CLPX: variants seen among roughly 807,000 people sequenced by gnomAD.
The protein encoded by CLPX is caseinolytic mitochondrial matrix peptidase chaperone subunit X.
Under a neutral mutation model 76.4 loss-of-function variants are expected in CLPX, and 34 were observed. The observed-to-expected ratio is 0.45, with a 90% CI of 0.34 to 0.59. The LOEUF is 0.59. Among genes scored for constraint, CLPX ranks in the 20% least tolerant of loss-of-function variants. CLPX has a pLI of 0.01. For missense variants in CLPX, 613 were observed against 757.0 expected (o/e 0.81, Z 2.23); for synonymous variants, 248 against 270.9 (o/e 0.92, Z 0.83).
chr15:65,160,623 T>TCTCTCTCTCACACA (rs1219208926), intron 6 of CLPX, among the ~76,000 whole-genome samples: 13 of 100,966 alleles, frequency 1.3e-4, no homozygotes, highest in Non-Finnish European at 1.7e-4. Context: ...TCTCTCTCTC[T>TCTCTCTCTCACACA]CACACACACA....
rs779012287 is a variant in CLPX, at chr15:65,180,244, C to A, written c.80-40G>T. The stretch of plus-strand genomic sequence containing the variant: ...AAATCTACATCAAATATAGACATGC[C>A]TCAATAAATCCCCTGGAAACAAAAA... On this transcript the variant is annotated intron_variant, in intron 1 of 13. Coordinates refer to ENST00000300107, the MANE Select transcript of CLPX (RefSeq NM_006660.5). The A allele has an allele frequency of 4.8e-6, 7 of 1,470,716 alleles. No individual in the cohort carries two copies. The Admixed American group carries it at 8.5e-5, about 18-fold the overall frequency. 91.1% of individuals were successfully genotyped at this position (1,470,716 alleles called of 1,614,324 possible).
chr15:65,184,763 A>G (rs1017395847), intron 1 of CLPX, among the ~76,000 whole-genome samples: 3 of 152,234 alleles, frequency 2.0e-5, no homozygotes, highest in African/African-American at 4.8e-5. Flanking sequence ...ACATTTTTTA[A>G]TAACAGGAGC....
At chr15:65,183,897 T>G (rs1410799705) in intron 1 of CLPX, among the ~76,000 whole-genome samples, 4 of 152,230 alleles carry the variant, frequency 2.6e-5, no homozygotes, top group Non-Finnish European at 4.4e-5. Flanking sequence ...ATAAATGGAT[T>G]AAAATATGTC....
chr15:65,170,789 A>C (rs1452632772), intron 3 of CLPX, among the ~76,000 whole-genome samples: 1 of 149,886 alleles, frequency 6.7e-6, no homozygotes, highest in Non-Finnish European at 1.5e-5. Flanking sequence ...CCACTTCATT[A>C]TCAATTCAAT....
chr15:65,148,895 A>G lies in CLPX; in HGVS notation c.*1928T>C, dbSNP rs2087684677. 1 of 152,170 alleles carries G rather than the reference A, an allele frequency of 6.6e-6. No homozygotes were observed. Among genetic ancestry groups the G allele is most frequent in the African/African-American group, 2.4e-5 (1 of 41,448 alleles). The allele number at this position is 152,170 out of a possible 1,614,324, so 9.4% of individuals were successfully genotyped here. The stretch of plus-strand genomic sequence containing the variant: ...AATATTTATGGAATTAAATGATACA[A>G]TTTTCATTAAGACCCCAAATATCCC... On this transcript the variant is annotated 3_prime_UTR_variant, in exon 14 of 14. Transcript: ENST00000300107.
chr15:65,154,753 T>C, intron 11 of CLPX, 29 bp downstream of exon 11: 1 of 1,527,962 alleles, frequency 6.5e-7, no homozygotes, highest in Non-Finnish European at 8.9e-7. Flanking sequence ...AAATAAAAAA[T>C]AACTAAGTAC....
intron 6 of CLPX, among the ~76,000 whole-genome samples, chr15:65,160,983 A>C (rs187920746): frequency 6.6e-6 from 1 of 152,312 alleles, no homozygotes; most frequent in East Asian, 1.9e-4. Flanking sequence ...CAAATTACTT[A>C]AAATTTCTGT....
intron 6 of CLPX, among the ~76,000 whole-genome samples, chr15:65,160,592 TTC>T (rs1226717522): frequency 0.056 from 6,639 of 118,206 alleles, 203 homozygotes; most frequent in South Asian, 0.082. Flanking sequence ...CATTCACTCA[TTC>T]TCTCTCTCTC....
chr15:65,180,077 C>T lies in CLPX; in HGVS notation c.207G>A (p.Gly69=), dbSNP rs2088143784. The T allele has an allele frequency of 1.2e-6, 2 of 1,610,018 alleles. No homozygotes were observed. Among genetic ancestry groups the T allele is most frequent in the African/African-American group, 1.3e-5 (1 of 74,798 alleles). Residue 69 remains glycine, a synonymous_variant, in exon 2 of 14, where the codon GGG becomes GGA. Coordinates refer to ENST00000300107, the MANE Select transcript of CLPX (RefSeq NM_006660.5). ...CATCTCCAGAACCATCTTTACTTAT[C>T]CCATCTTTTGAGGCAAAGTATGCTG... The part of the protein sequence containing the change: ...ETPAYFASKD[G]ISKDGSGDGN...
chr15:65,165,079 GTAATCCCT>G (rs2087892947), intron 4 of CLPX, among the ~76,000 whole-genome samples: 1 of 152,004 alleles, frequency 6.6e-6, no homozygotes, highest in African/African-American at 2.4e-5. Flanking sequence ...GCTCACGGCT[GTAATCCCT>G]GCACTTTGGG....
At chr15:65,173,040 G>C (rs553298470) in intron 3 of CLPX, among the ~76,000 whole-genome samples, 1 of 152,044 alleles carries the variant, frequency 6.6e-6, no homozygotes, top group Admixed American at 6.6e-5. Context: ...ACCAAAAGAA[G>C]CCCATGATGA....
chr15:65,181,407 A>G (rs1265366836), intron 1 of CLPX, among the ~76,000 whole-genome samples: 1 of 152,146 alleles, frequency 6.6e-6, no homozygotes, highest in East Asian at 1.9e-4. Context: ...ACCGAACTAT[A>G]CACTAAAAAT....
chr15:65,166,483 A>G (rs1241240052), intron 4 of CLPX, 148 bp downstream of exon 4: 7 of 807,494 alleles, frequency 8.7e-6, no homozygotes, highest in Admixed American at 8.4e-5. Flanking sequence ...CCAAAAGGCA[A>G]TAACAATTTA....
chr15:65,183,799 G>C (rs1475929109), intron 1 of CLPX, among the ~76,000 whole-genome samples: 1 of 152,134 alleles, frequency 6.6e-6, no homozygotes, highest in African/African-American at 2.4e-5. Flanking sequence ...TTAAACATGA[G>C]GGTGAGGACT....
At position 65,166,708 on chromosome 15, in the gene CLPX, T is replaced by C. The variant is rs1178772924; in HGVS notation, c.436A>G (p.Ile146Val). The change falls in exon 4 of 14, where the codon ATA (isoleucine) becomes GTA (valine). Residue 146 changes from isoleucine (I) to valine (V), a missense_variant. Around this residue, in one of 2 missense-constraint regions of CLPX, gnomAD observed 450 missense variants for 638.6 expected, o/e 0.70. Transcript: ENST00000300107. ...VLSEADSKKS[I>V]IKEPESAAEA... is the part of the protein sequence containing the mutation. ...GCTGCTGATTCAGGTTCTTTAATTA[T>C]GCTTTTCTTTGAGTCTGCTTCAGAT... 1.9e-6 allele frequency: 3 copies of C among 1,614,140 alleles called. No homozygotes were observed. The highest frequency in any genetic ancestry group is 1.7e-5 in the Admixed American group (1 of 60,024).
rs533654588 is a variant in CLPX, at chr15:65,184,166, C to T, written c.79+909G>A. Among the ~76,000 whole-genome samples, 3 of 152,280 alleles carry T rather than the reference C, an allele frequency of 2.0e-5. No homozygotes were observed. In the South Asian group the frequency reaches 6.2e-4, roughly 32 times the overall value. On this transcript the variant is annotated intron_variant, in intron 1 of 13. Transcript: ENST00000300107. ...TAAAAATCCATCCAAGGGTCATAAA[C>T]CGATAAGCCAAAATAAAACGAATTT...
intron 1 of CLPX, 120 bp from the exon 2 acceptor site, chr15:65,180,324 A>G (rs1158504850): frequency 4.5e-6 from 3 of 662,618 alleles, no homozygotes; most frequent in Non-Finnish European, 7.0e-6. Context: ...AGTAGTATAA[A>G]CTGAGAGAAA....
intron 4 of CLPX, among the ~76,000 whole-genome samples, chr15:65,165,871 G>A (rs746169637): frequency 6.6e-6 from 1 of 152,086 alleles, no homozygotes; most frequent in Non-Finnish European, 1.5e-5. Flanking sequence ...ATCTGTCACA[G>A]CACATTTGGA....
rs144344663 is a variant in CLPX at position 65,159,937 on chromosome 15, C to T, written c.716-1186G>A. Among the ~76,000 whole-genome samples, 582 of 151,886 alleles carry T rather than the reference C, an allele frequency of 3.8e-3. 2 individuals are homozygous for T. Among genetic ancestry groups the T allele is most frequent in the Admixed American group, 1.0e-2 (152 of 15,262 alleles). On this transcript the variant is annotated intron_variant, in intron 6 of 13. Transcript: ENST00000300107. Reference sequence around the variant, plus strand: ...AAGTGATTCTCCTGCCTCAGCATCCCGAGTAGTTGGGATTACAGGCACACG... The same window carrying T: ...AAGTGATTCTCCTGCCTCAGCATCCTGAGTAGTTGGGATTACAGGCACACG...
Sources: gnomAD v4.1 joint callset for allele counts (sites outside exome capture counted in the v4.1 genomes callset) on GRCh38, gnomAD v4.1.1 for gene constraint, gnomAD v4.1.1 regional missense constraint, MANE v1.5 for transcripts, NCBI Gene and HGNC (gene_info 2026-07-23, HGNC 2026-07-21) for gene names.